Variants in ZNF804A observed in about 807,000 individuals in gnomAD.
The protein encoded by ZNF804A is zinc finger protein 804A.
A neutral mutation model predicts 16.5 loss-of-function variants in ZNF804A; 2 were observed. The observed-to-expected ratio is 0.12, with a 90% CI of 0.05 to 0.38. The LOEUF (loss-of-function observed/expected upper bound fraction) is 0.38. Among genes scored for constraint, ZNF804A ranks in the 10% least tolerant of loss-of-function variants. ZNF804A has a pLI of 0.99. For synonymous variants in ZNF804A, 534 were observed against 489.6 expected (o/e 1.09, Z -1.20); for missense variants, 1,473 against 1,390.7 (o/e 1.06, Z -0.94).
chr2:184,857,874 G>A (rs1158422802), intron 1 of ZNF804A, among the ~76,000 whole-genome samples: 1 of 151,954 alleles, frequency 6.6e-6, no homozygotes, highest in Admixed American at 6.6e-5. Context: ...CTTAAAGGAA[G>A]CACATAGTTG....
chr2:184,908,218 G>T (rs1289152196), intron 2 of ZNF804A, among the ~76,000 whole-genome samples: 1 of 152,032 alleles, frequency 6.6e-6, no homozygotes, highest in East Asian at 1.9e-4. Context: ...GCCTTTGCCA[G>T]CTTTAAGGGG....
At chr2:184,603,926 T>C (rs536616552) in intron 1 of ZNF804A, among the ~76,000 whole-genome samples, 1 of 152,276 alleles carries the variant, frequency 6.6e-6, no homozygotes, top group African/African-American at 2.4e-5. Context: ...GAACACATTA[T>C]TCTAGTATCG....
intron 1 of ZNF804A, among the ~76,000 whole-genome samples, chr2:184,663,869 T>G (rs186147656): frequency 3.3e-5 from 5 of 152,186 alleles, no homozygotes; most frequent in Admixed American, 2.6e-4. Flanking sequence ...GTCTCCTTCA[T>G]AGCACAAAGC....
At chr2:184,692,864 G>T (rs1692755167) in intron 1 of ZNF804A, among the ~76,000 whole-genome samples, 1 of 151,994 alleles carries the variant, frequency 6.6e-6, no homozygotes, top group Admixed American at 6.6e-5. Flanking sequence ...AAAATTTAGA[G>T]TTACTATGCC....
chr2:184,933,539 A>G (rs977928372), intron 2 of ZNF804A, 64 bp from the exon 3 acceptor site: 13 of 1,477,700 alleles, frequency 8.8e-6, no homozygotes, highest in South Asian at 8.1e-5. Context: ...AACAATAACA[A>G]TGAAACTTTA....
intron 1 of ZNF804A, among the ~76,000 whole-genome samples, chr2:184,788,509 C>A (rs899031291): frequency 1.3e-5 from 2 of 151,948 alleles, no homozygotes; most frequent in Non-Finnish European, 2.9e-5. Context: ...TCTACAGTTT[C>A]TTTCATCAGT....
At chr2:184,745,046 A>G (rs1256834318) in intron 1 of ZNF804A, among the ~76,000 whole-genome samples, 7 of 151,800 alleles carry the variant, frequency 4.6e-5, no homozygotes, top group African/African-American at 1.7e-4. Flanking sequence ...GCCTTTTAAA[A>G]ACACTGTTGC....
In ZNF804A at chr2:184,676,723, T is replaced by A. The variant is rs776235589; in HGVS notation, c.111+77653T>A. Among the ~76,000 whole-genome samples, 176 of 151,878 alleles carry A rather than the reference T, an allele frequency of 1.2e-3. 1 individual carries two copies. Among genetic ancestry groups the A allele is most frequent in the Non-Finnish European group, 1.8e-3 (125 of 67,706 alleles). ...AGTTATATTTTAATATGACCATAGTTTACTGGTTAATCTGCACCCACAATG... is the reference window on the plus strand; with the variant it reads ...AGTTATATTTTAATATGACCATAGTATACTGGTTAATCTGCACCCACAATG... On this transcript the variant is annotated intron_variant, in intron 1 of 3. Coordinates refer to ENST00000302277, the MANE Select transcript of ZNF804A (RefSeq NM_194250.2).
intron 1 of ZNF804A, among the ~76,000 whole-genome samples, chr2:184,745,726 G>GA (rs11355073): frequency 8.9e-5 from 13 of 146,774 alleles, no homozygotes; most frequent in East Asian, 4.0e-4. Context: ...TGTCTGAAGT[G>GA]AAAAAAAAAA....
intron 1 of ZNF804A, among the ~76,000 whole-genome samples, chr2:184,636,194 C>G (rs2105689787): frequency 6.6e-6 from 1 of 151,632 alleles, no homozygotes; most frequent in East Asian, 1.9e-4. Context: ...AAAATTATGC[C>G]TTTAATCAAA....
At chr2:184,658,194 TC>T (rs1183825393) in intron 1 of ZNF804A, among the ~76,000 whole-genome samples, 3 of 152,032 alleles carry the variant, frequency 2.0e-5, no homozygotes, top group Admixed American at 6.6e-5. Flanking sequence ...GAAGTTTTTT[TC>T]CCCCCAGGCC....
rs939547869 is a variant in ZNF804A, at chr2:184,704,080, C to A, written c.111+105010C>A. ...TTAATATATTAAGATACAATTATAC[C>A]TGATAAGTGAATCTATAGTAATGAT... is the stretch of plus-strand genomic sequence containing the variant. On this transcript the variant is annotated intron_variant, in intron 1 of 3. Transcript: ENST00000302277. 3.3e-5 allele frequency among the ~76,000 whole-genome samples: 5 copies of A among 152,006 alleles called. No individual in the cohort carries two copies. In the South Asian group the frequency reaches 8.3e-4, roughly 25 times the overall value.
chr2:184,912,638 A>T (rs920572215), intron 2 of ZNF804A, among the ~76,000 whole-genome samples: 7 of 152,050 alleles, frequency 4.6e-5, no homozygotes, highest in African/African-American at 1.7e-4. Flanking sequence ...TTTTAAAATT[A>T]ACAATCCTAG....
At chr2:184,628,839 G>T (rs1174282551) in intron 1 of ZNF804A, among the ~76,000 whole-genome samples, 1 of 152,098 alleles carries the variant, frequency 6.6e-6, no homozygotes, top group African/African-American at 2.4e-5. Context: ...GTTTTTCAAA[G>T]AGACTTTATT....
At chr2:184,907,274 TTA>T (rs1485450810) in intron 2 of ZNF804A, among the ~76,000 whole-genome samples, 1 of 136,188 alleles carries the variant, frequency 7.3e-6, no homozygotes, top group East Asian at 2.3e-4. Context: ...CCTGTATTTG[TTA>T]TGTTAAACTC....
intron 1 of ZNF804A, among the ~76,000 whole-genome samples, chr2:184,643,941 C>A (rs1039781943): frequency 3.3e-5 from 5 of 151,326 alleles, no homozygotes; most frequent in Non-Finnish European, 7.4e-5. Context: ...TACTATGTAC[C>A]AATAATAATT....
At position 184,688,344 on chromosome 2, in the gene ZNF804A, C is replaced by CTGTG. The variant is rs58942655; in HGVS notation, c.111+89298_111+89301dup. Among the ~76,000 whole-genome samples the CTGTG allele has an allele frequency of 7.6e-3, 1,124 of 147,352 alleles. 7 individuals carry two copies. The highest frequency in any genetic ancestry group is 0.015 in the African/African-American group (611 of 40,060). On this transcript the variant is annotated intron_variant, in intron 1 of 3. Coordinates refer to ENST00000302277, the MANE Select transcript of ZNF804A (RefSeq NM_194250.2). Reference sequence around the variant, plus strand: ...TTTTTCTTTCTCTCTCTCTCTCTTTCTGTGTGTGTGTGTGTGTGTGTGTGT... The same window carrying CTGTG: ...TTTTTCTTTCTCTCTCTCTCTCTTTCTGTGTGTGTGTGTGTGTGTGTGTGTGTGT...
At chr2:184,782,716 C>G (rs750880763) in intron 1 of ZNF804A, among the ~76,000 whole-genome samples, 37 of 146,974 alleles carry the variant, frequency 2.5e-4, no homozygotes, top group Non-Finnish European at 4.6e-4. Context: ...TATATATCCT[C>G]TTAGTTTTGT....
chr2:184,761,144 T>G (rs556362575), intron 1 of ZNF804A, among the ~76,000 whole-genome samples: 19 of 152,268 alleles, frequency 1.2e-4, no homozygotes, highest in African/African-American at 4.6e-4. Flanking sequence ...ATATTTTACT[T>G]GAGGTATGTT....
Sources: allele counts gnomAD v4.1 joint callset (sites outside exome capture counted in the v4.1 genomes callset), GRCh38; gene constraint gnomAD v4.1.1; transcripts MANE v1.5; gene names NCBI Gene and HGNC (gene_info 2026-07-23, HGNC 2026-07-21).